Variants in SUGCT observed in about 807,000 individuals in gnomAD.
SUGCT encodes succinyl-CoA:glutarate-CoA transferase.
A neutral mutation model predicts 55.0 loss-of-function variants in SUGCT; 41 were observed. That is an observed-to-expected ratio of 0.74 (90% CI 0.58 to 0.97). The LOEUF is 0.97. Ranked by LOEUF, SUGCT falls within the 50% of genes least tolerant of loss-of-function variation. The pLI, the probability that SUGCT is intolerant of heterozygous loss-of-function variation, is 0.00. For missense variants in SUGCT, 568 were observed against 547.8 expected (o/e 1.04, Z -0.37); for synonymous variants, 187 against 200.4 (o/e 0.93, Z 0.56).
chr7:40,498,319 A>T (rs1407204255), intron 12 of SUGCT, among the ~76,000 whole-genome samples: 2 of 152,204 alleles, frequency 1.3e-5, no homozygotes, highest in African/African-American at 4.8e-5. Context: ...AGTGCTTGTG[A>T]CTTAGCAGAA....
At chr7:40,685,057 A>T (rs577475965) in intron 12 of SUGCT, among the ~76,000 whole-genome samples, 1 of 152,066 alleles carries the variant, frequency 6.6e-6, no homozygotes, top group Admixed American at 6.6e-5. Context: ...GAGTTTTACC[A>T]TGTTGGTCAG....
At chr7:40,257,191 G>T (rs779196589) in intron 7 of SUGCT, among the ~76,000 whole-genome samples, 1 of 152,098 alleles carries the variant, frequency 6.6e-6, no homozygotes. Flanking sequence ...TTACAGGCAT[G>T]TGCCACCACA....
chr7:40,540,862 A>G (rs1794634061), intron 12 of SUGCT, among the ~76,000 whole-genome samples: 3 of 152,170 alleles, frequency 2.0e-5, no homozygotes, highest in Non-Finnish European at 4.4e-5. Context: ...GGATGCTGCT[A>G]TTTTCAGTTC....
intron 13 of SUGCT, among the ~76,000 whole-genome samples, chr7:40,780,200 G>T (rs1306297511): frequency 1.3e-5 from 2 of 152,126 alleles, no homozygotes; most frequent in East Asian, 3.9e-4. Flanking sequence ...CAGGTGCTGG[G>T]TGAAGGTTTG....
In SUGCT at chr7:40,324,244, A is replaced by ATATATATATATATAT. The variant is rs1562681042; in HGVS notation, c.816+7389_816+7390insTATATATATATATAT. Among the ~76,000 whole-genome samples, 269 of 98,358 alleles carry ATATATATATATATAT rather than the reference A, an allele frequency of 2.7e-3. 7 individuals carry two copies. Among genetic ancestry groups the ATATATATATATATAT allele is most frequent in the African/African-American group, 0.01 (239 of 22,842 alleles). The allele number at this position is 98,358 out of a possible 152,430, so 64.5% of individuals were successfully genotyped here. A position where few individuals can be genotyped will look rare whatever the true frequency, so the allele number is the denominator to read the frequency against. Reference sequence around the variant, plus strand: ...AGATGATCATATATATAAATAAATAAATAAATAAATATATATATATTTATT... The same window carrying ATATATATATATATAT: ...AGATGATCATATATATAAATAAATAATATATATATATATATATAAATAAATATATATATATTTATT... On this transcript the variant is annotated intron_variant, in intron 9 of 13. Coordinates refer to ENST00000335693, the MANE Select transcript of SUGCT (RefSeq NM_001193313.2).
chr7:40,556,015 G>A (rs1046723239), intron 12 of SUGCT, among the ~76,000 whole-genome samples: 2 of 151,960 alleles, frequency 1.3e-5, no homozygotes, highest in African/African-American at 4.8e-5. Context: ...CTGTCTTTCT[G>A]CCAACACATA....
At chr7:40,762,808 CT>C (rs1365876002) in intron 13 of SUGCT, among the ~76,000 whole-genome samples, 1 of 151,126 alleles carries the variant, frequency 6.6e-6, no homozygotes, top group Non-Finnish European at 1.5e-5. Context: ...CATAAAACAA[CT>C]CTCTTTTTTT....
chr7:40,306,568 T>A (rs1794862327), intron 8 of SUGCT, among the ~76,000 whole-genome samples: 1 of 152,242 alleles, frequency 6.6e-6, no homozygotes, highest in Non-Finnish European at 1.5e-5. Flanking sequence ...ATGTCATTTT[T>A]AGAACTTTTC....
chr7:40,197,113 G>A (rs915909440), intron 6 of SUGCT, among the ~76,000 whole-genome samples: 7 of 152,118 alleles, frequency 4.6e-5, no homozygotes, highest in African/African-American at 1.4e-4. Flanking sequence ...GGGATTACAC[G>A]TGTGAGCCAC....
At chr7:40,804,036 G>A (rs999404373) in intron 13 of SUGCT, among the ~76,000 whole-genome samples, 1 of 152,136 alleles carries the variant, frequency 6.6e-6, no homozygotes, top group African/African-American at 2.4e-5. Flanking sequence ...TGACTAAATG[G>A]AGCATGGGGT....
intron 9 of SUGCT, among the ~76,000 whole-genome samples, chr7:40,321,337 A>G (rs928454236): frequency 5.3e-5 from 8 of 152,034 alleles, no homozygotes; most frequent in Middle Eastern, 3.4e-3. Context: ...TCGGCCTCCC[A>G]AAGTGCTGGG....
intron 12 of SUGCT, among the ~76,000 whole-genome samples, chr7:40,736,179 T>C (rs1015093823): frequency 6.8e-6 from 1 of 147,938 alleles, no homozygotes; most frequent in African/African-American, 2.5e-5. Flanking sequence ...TAATTTTATA[T>C]ATGTAATTTA....
intron 13 of SUGCT, among the ~76,000 whole-genome samples, chr7:40,772,502 CTAT>C: frequency 5.2e-5 from 2 of 38,550 alleles, no homozygotes; most frequent in Non-Finnish European, 1.2e-4. Flanking sequence ...AAATATCTAT[CTAT>C]CTATCTATCT....
intron 12 of SUGCT, among the ~76,000 whole-genome samples, chr7:40,571,518 T>A (rs1160739135): frequency 2.0e-5 from 3 of 152,212 alleles, no homozygotes; most frequent in African/African-American, 7.2e-5. Flanking sequence ...ACAGGAGGGT[T>A]ACAATTGTTC....
intron 5 of SUGCT, among the ~76,000 whole-genome samples, chr7:40,193,018 G>A (rs1405443104): frequency 6.6e-6 from 1 of 150,724 alleles, no homozygotes; most frequent in Non-Finnish European, 1.5e-5. Context: ...CCAGGCTGGA[G>A]TGCAGTAGTG....
chr7:40,409,208 G>A (rs1317720855), intron 9 of SUGCT, among the ~76,000 whole-genome samples: 1 of 152,162 alleles, frequency 6.6e-6, no homozygotes, highest in African/African-American at 2.4e-5. Flanking sequence ...GCCCACCTTG[G>A]CCTCTCCAAA....
chr7:40,498,450 C>T (rs555274995), intron 12 of SUGCT, among the ~76,000 whole-genome samples: 1 of 152,236 alleles, frequency 6.6e-6, no homozygotes, highest in Non-Finnish European at 1.5e-5. Context: ...TCAAGTTGCT[C>T]CTCTGCAGTC....
chr7:40,464,118 G>T (rs1789966729), intron 11 of SUGCT, among the ~76,000 whole-genome samples: 1 of 152,140 alleles, frequency 6.6e-6, no homozygotes, highest in South Asian at 2.1e-4. Context: ...AACATGAAAT[G>T]AGGATGAAGG....
At chr7:40,541,070 A>G (rs938929683) in intron 12 of SUGCT, among the ~76,000 whole-genome samples, 2 of 152,198 alleles carry the variant, frequency 1.3e-5, no homozygotes, top group Admixed American at 1.3e-4. Context: ...GGAATTGATA[A>G]TTTGGCAGTG....
Sources: gnomAD v4.1 joint callset for allele counts (sites outside exome capture counted in the v4.1 genomes callset) on GRCh38, gnomAD v4.1.1 for gene constraint, MANE v1.5 for transcripts, NCBI Gene and HGNC (gene_info 2026-07-23, HGNC 2026-07-21) for gene names.